Variants in USP13 observed in about 807,000 individuals in gnomAD.
USP13 encodes ubiquitin specific peptidase 13.
USP13 carries 68 observed loss-of-function variants against 107.8 expected under a neutral mutation model. The ratio of observed to expected loss-of-function variants is 0.63; its 90% confidence interval spans 0.52 to 0.77. USP13 has a LOEUF of 0.77. Among genes scored for constraint, USP13 ranks in the 30% least tolerant of loss-of-function variants. USP13 has a pLI of 0.00. For synonymous variants in USP13, 377 were observed against 389.5 expected, an observed-to-expected ratio of 0.97 and a Z score of 0.38; for missense variants, 945 against 1,093.3, an observed-to-expected ratio of 0.86 and a Z score of 1.91.
chr3:179,656,881 A>G (rs1221305188), intron 1 of USP13, among the ~76,000 whole-genome samples: 1 of 152,222 alleles, frequency 6.6e-6, no homozygotes, highest in Non-Finnish European at 1.5e-5. Flanking sequence ...CCAGGAGCTC[A>G]GTGAATGCTT....
Position 179,764,145 on chromosome 3 carries a change from G to A in USP13, c.2236G>A (p.Ala746Thr). ...CTCCATGGGATTTCAGCGAAATCAG[G>A]CTATTCAGGCACTACGAGCAACGGT... Reference protein sequence around the residue: ...ITSMGFQRNQAIQALRATNNN... With the variant: ...ITSMGFQRNQTIQALRATNNN... The change falls in exon 18 of 21, where the codon GCT becomes ACT. Residue 746 changes from alanine (A) to threonine (T), a missense_variant. Physicochemically the swap from Ala to Thr is moderately conservative, Grantham distance 58. Transcript: ENST00000263966. 1 of 1,613,028 alleles carries A rather than the reference G, an allele frequency of 6.2e-7. No homozygotes were observed. The highest frequency in any genetic ancestry group is 1.7e-5 in the Admixed American group (1 of 59,862).
intron 6 of USP13, among the ~76,000 whole-genome samples, chr3:179,711,314 A>G (rs560455585): frequency 8.6e-4 from 131 of 152,018 alleles, no homozygotes; most frequent in African/African-American, 2.9e-3. Flanking sequence ...CACCTCCCAG[A>G]TTCAAGTGAT....
Position 179,784,259 on chromosome 3 carries a change from G to A in USP13, c.*118G>A, listed in dbSNP as rs577936368. ...TGAAGGAATATATGGGGTATTTATC[G>A]TTTATTTAAAGAGCACGATCAGTTG... is the stretch of plus-strand genomic sequence containing the variant. On this transcript the variant is annotated 3_prime_UTR_variant, in exon 21 of 21. Coordinates refer to ENST00000263966, the MANE Select transcript of USP13 (RefSeq NM_003940.3). 1.1e-4 allele frequency: 87 copies of A among 780,686 alleles called. No individual in the cohort carries two copies. Among genetic ancestry groups the A allele is most frequent in the Non-Finnish European group, 1.6e-4 (77 of 485,786 alleles). 48.4% of individuals were successfully genotyped at this position (780,686 alleles called of 1,614,324 possible).
At chr3:179,730,162 T>C (rs1242201694) in intron 8 of USP13, 27 bp from the exon 9 acceptor site, 2 of 1,601,690 alleles carry the variant, frequency 1.2e-6, no homozygotes, top group Non-Finnish European at 1.7e-6. Flanking sequence ...AGTTGCTATG[T>C]TTTAACTATT....
intron 10 of USP13, among the ~76,000 whole-genome samples, chr3:179,733,757 C>G (rs1184655403): frequency 2.0e-5 from 3 of 152,204 alleles, no homozygotes; most frequent in Non-Finnish European, 4.4e-5. Context: ...CACCACCACG[C>G]ATGGTCTTAA....
intron 3 of USP13, among the ~76,000 whole-genome samples, chr3:179,691,093 C>T (rs1191270968): frequency 6.6e-6 from 1 of 151,392 alleles, no homozygotes. Flanking sequence ...CACTTGAGCC[C>T]AGGAAGTTGA....
At chr3:179,722,045 A>T (rs2108495283) in intron 8 of USP13, among the ~76,000 whole-genome samples, 1 of 147,810 alleles carries the variant, frequency 6.8e-6, no homozygotes, top group African/African-American at 2.5e-5. Context: ...CAGCCTGGGT[A>T]ACAGAGCGAG....
chr3:179,751,303 G>A (rs888604065), intron 13 of USP13, among the ~76,000 whole-genome samples: 23 of 152,278 alleles, frequency 1.5e-4, no homozygotes, highest in African/African-American at 5.1e-4. Flanking sequence ...CTGGTAATGT[G>A]TATTAATTTT....
chr3:179,728,924 C>T (rs1015958023), intron 8 of USP13, among the ~76,000 whole-genome samples: 2 of 141,682 alleles, frequency 1.4e-5, no homozygotes, highest in African/African-American at 2.5e-5. Flanking sequence ...AGCTTCAGCT[C>T]GGCATCAGAG....
At chr3:179,775,095 G>C (rs937674335) in intron 19 of USP13, among the ~76,000 whole-genome samples, 3 of 151,228 alleles carry the variant, frequency 2.0e-5, no homozygotes, top group Non-Finnish European at 4.4e-5. Flanking sequence ...AGTCACAAAA[G>C]TTCTTCAAGT....
At chr3:179,756,433 CA>C (rs1169101231) in intron 15 of USP13, among the ~76,000 whole-genome samples, 1 of 149,958 alleles carries the variant, frequency 6.7e-6, no homozygotes, top group Non-Finnish European at 1.5e-5. Context: ...AACAAACAAA[CA>C]AACAAACAAA....
At chr3:179,670,195 C>A (rs1720708773) in intron 1 of USP13, among the ~76,000 whole-genome samples, 1 of 152,146 alleles carries the variant, frequency 6.6e-6, no homozygotes, top group Admixed American at 6.6e-5. Context: ...TAGAGACAAC[C>A]CTGTCCCCCA....
chr3:179,736,134 C>T (rs1189692006), intron 10 of USP13, among the ~76,000 whole-genome samples: 1 of 152,192 alleles, frequency 6.6e-6, no homozygotes, highest in Admixed American at 6.5e-5. Flanking sequence ...TGATTTTTTC[C>T]TGCATTATCC....
rs576041952 is a variant in USP13 at position 179,678,005 on chromosome 3, T to C, written c.169-3873T>C. Among the ~76,000 whole-genome samples the C allele has an allele frequency of 2.6e-5, 4 of 152,308 alleles. No homozygotes were observed. The South Asian group carries it at 8.3e-4, about 32-fold the overall frequency. ...TATATTTCACCCCCTTTAAATTTCA[T>C]GCAACTCTGTGTCGTGGGAATTATT... On this transcript the variant is annotated intron_variant, in intron 1 of 20. Transcript: ENST00000263966. This position sits in a 1 kb window ranked among gnomAD's most constrained non-coding sequence, Gnocchi z 4.2.
At chr3:179,744,294 A>G (rs2108515422) in intron 12 of USP13, among the ~76,000 whole-genome samples, 1 of 151,518 alleles carries the variant, frequency 6.6e-6, no homozygotes, top group African/African-American at 2.4e-5. Context: ...CAAATCAGAA[A>G]ATGTGTAACA....
At chr3:179,667,178 G>GT (rs1376143286) in intron 1 of USP13, among the ~76,000 whole-genome samples, 2 of 152,162 alleles carry the variant, frequency 1.3e-5, no homozygotes, top group Non-Finnish European at 2.9e-5. Context: ...CATTTACGGA[G>GT]TCTTGGGGTT....
At chr3:179,673,678 C>T (rs1036538475) in intron 1 of USP13, among the ~76,000 whole-genome samples, 6 of 152,228 alleles carry the variant, frequency 3.9e-5, no homozygotes, top group Admixed American at 3.3e-4. Context: ...GTTTGGGAAG[C>T]GCCTGCAGTG....
At chr3:179,690,158 A>G (rs1225938803) in intron 2 of USP13, 83 bp from the exon 3 acceptor site, 1 of 1,320,428 alleles carries the variant, frequency 7.6e-7, no homozygotes, top group East Asian at 2.3e-5. Context: ...TGTAAAAACT[A>G]GGAACCTCTG....
chr3:179,730,778 G>A (rs1435656421), intron 10 of USP13, 69 bp downstream of exon 10: 1 of 1,447,694 alleles, frequency 6.9e-7, no homozygotes, highest in Non-Finnish European at 9.6e-7. Flanking sequence ...GGTTTCCTAT[G>A]ATTTGGCACA....
Sources: allele counts gnomAD v4.1 joint callset (sites outside exome capture counted in the v4.1 genomes callset), GRCh38; gene constraint gnomAD v4.1.1; non-coding constraint Gnocchi (gnomAD v3.1); transcripts MANE v1.5; gene names NCBI Gene and HGNC (gene_info 2026-07-23, HGNC 2026-07-21).